Variants in PHF21A observed in about 807,000 individuals in gnomAD.
PHF21A encodes PHD finger protein 21A.
In PHF21A, 11 loss-of-function variants were observed where a neutral mutation model predicts 82.5. The observed-to-expected ratio is 0.13, with a 90% CI of 0.08 to 0.22. The LOEUF (loss-of-function observed/expected upper bound fraction) is 0.22. Ranked by LOEUF, PHF21A falls within the 10% of genes least tolerant of loss-of-function variation. PHF21A has a pLI of 1.00. For missense variants in PHF21A, 579 were observed against 837.8 expected (o/e 0.69, Z 3.81); for synonymous variants, 297 against 302.8 (o/e 0.98, Z 0.20).
chr11:45,933,879 T>G lies in PHF21A; in HGVS notation c.*89A>C, dbSNP rs1381052368. The G allele has an allele frequency of 1.5e-6, 2 of 1,304,796 alleles. No individual in the cohort carries two copies. The highest frequency in any genetic ancestry group is 1.0e-6 in the Non-Finnish European group (1 of 964,268). 80.8% of individuals were successfully genotyped at this position (1,304,796 alleles called of 1,614,324 possible). A position where few individuals can be genotyped will look rare whatever the true frequency, so the allele number is the denominator to read the frequency against. ...AAAGAACCAAAAGAATTCTGCACTT[T>G]CCAGAAATCCGGCTTTGCTTTTCTA... On this transcript the variant is annotated 3_prime_UTR_variant, in exon 19 of 19. Transcript: ENST00000676320.
At chr11:45,943,222 A>C (rs181232204) in intron 15 of PHF21A, among the ~76,000 whole-genome samples, 67 of 148,372 alleles carry the variant, frequency 4.5e-4, no homozygotes, top group African/African-American at 1.6e-3. Context: ...TCCCATGCTC[A>C]AGTGATCCTC....
Position 46,097,620 on chromosome 11 carries a change from T to C in PHF21A, c.-236-5397A>G, listed in dbSNP as rs1466133202. ...TAACAAGAATAATACCTTTTTACCC[T>C]CTCTCTAACTATCCAAATCTCACCC... On this transcript the variant is annotated intron_variant, in intron 1 of 18. Coordinates refer to ENST00000676320, the MANE Select transcript of PHF21A (RefSeq NM_001352027.3). Among the ~76,000 whole-genome samples the C allele has an allele frequency of 9.2e-5, 14 of 152,146 alleles. No homozygotes were observed. The East Asian group carries it at 2.7e-3, about 29-fold the overall frequency.
At chr11:46,081,473 T>C (rs2096790586) in intron 4 of PHF21A, among the ~76,000 whole-genome samples, 1 of 152,180 alleles carries the variant, frequency 6.6e-6, no homozygotes, top group Non-Finnish European at 1.5e-5. Flanking sequence ...CTGAAAAAGG[T>C]TTTCTTCCAG....
At position 45,995,537 on chromosome 11, in the gene PHF21A, T is replaced by C. The variant is rs11826337; in HGVS notation, c.154-15571A>G. On this transcript the variant is annotated intron_variant, in intron 6 of 18. Transcript: ENST00000676320. The stretch of plus-strand genomic sequence containing the variant: ...GAGCACTTGTCACTCTTGGTGCAGG[T>C]AGAGTGAGATAGAGTGGTTGAGCAG... 7.1e-3 allele frequency among the ~76,000 whole-genome samples: 1,074 copies of C among 152,314 alleles called. 11 individuals carry two copies. The highest frequency in any genetic ancestry group is 0.025 in the African/African-American group (1,021 of 41,564).
At position 46,112,975 on chromosome 11, in the gene PHF21A, C is replaced by G. The variant is rs117323370; in HGVS notation, c.-237+7960G>C. ...TAAACTAATCTAAGGTAAACTAAAA[C>G]ACTAGGTTGTTTCTGAAGACTCACT... On this transcript the variant is annotated intron_variant, in intron 1 of 18. Transcript: ENST00000676320. 6.6e-4 allele frequency among the ~76,000 whole-genome samples: 101 copies of G among 152,238 alleles called. 2 individuals carry two copies. In the East Asian group the frequency reaches 0.016, roughly 25 times the overall value.
At chr11:46,113,027 T>C (rs2097238516) in intron 1 of PHF21A, among the ~76,000 whole-genome samples, 2 of 152,212 alleles carry the variant, frequency 1.3e-5, no homozygotes, top group African/African-American at 2.4e-5. Flanking sequence ...ATAATAATCA[T>C]AATATTAGTA....
At chr11:46,099,246 A>G (rs2097053104) in intron 1 of PHF21A, among the ~76,000 whole-genome samples, 1 of 152,176 alleles carries the variant, frequency 6.6e-6, no homozygotes. Flanking sequence ...ACATGCACAC[A>G]AAACAAAACT....
intron 6 of PHF21A, among the ~76,000 whole-genome samples, chr11:46,024,819 A>G (rs2095707524): frequency 1.3e-5 from 2 of 152,200 alleles, no homozygotes; most frequent in Admixed American, 1.3e-4. Context: ...AAAGAAAGAA[A>G]GAAAGACTTA....
At chr11:45,970,026 T>C (rs2093660054) in intron 8 of PHF21A, 122 bp from the exon 9 acceptor site, 2 of 751,650 alleles carry the variant, frequency 2.7e-6, no homozygotes, top group Non-Finnish European at 4.6e-6. Flanking sequence ...TCATCGTAAG[T>C]TAATCATCTG....
intron 18 of PHF21A, chr11:45,934,494 AC>A (rs1224140346): frequency 5.1e-6 from 2 of 395,568 alleles, no homozygotes; most frequent in Non-Finnish European, 9.0e-6. Context: ...AGGAGTACTA[AC>A]GCTTAAAAAC....
chr11:46,098,846 C>T (rs1013376027), intron 1 of PHF21A, among the ~76,000 whole-genome samples: 21 of 152,168 alleles, frequency 1.4e-4, no homozygotes, highest in African/African-American at 4.8e-4. Context: ...AAACCATAAG[C>T]ACCAAGGAGG....
intron 10 of PHF21A, among the ~76,000 whole-genome samples, chr11:45,964,200 A>AATAAT (rs2093293234): frequency 1.6e-4 from 21 of 134,622 alleles, no homozygotes; most frequent in African/African-American, 4.7e-4. Context: ...CTCCATCTCA[A>AATAAT]AATAATAATA....
At position 45,964,130 on chromosome 11, in the gene PHF21A, G is replaced by A. The variant is rs544379349; in HGVS notation, c.996+1185C>T. ...GGAGAATCACTTGAACCTGGGAGGC[G>A]GAGGTTGCAGTGAGCTGAGATCGTG... On this transcript the variant is annotated intron_variant, in intron 10 of 18. Coordinates refer to ENST00000676320, the MANE Select transcript of PHF21A (RefSeq NM_001352027.3). Among the ~76,000 whole-genome samples, 14 of 151,024 alleles carry A rather than the reference G, an allele frequency of 9.3e-5. No individual in the cohort carries two copies. The South Asian group carries it at 2.5e-3, about 27-fold the overall frequency.
At position 46,061,231 on chromosome 11, in the gene PHF21A, G is replaced by A. The variant is rs138405072; in HGVS notation, c.153+15523C>T. ...TGACCCTGTAGTATAGTTTGAAGTC[G>A]GTTAGCATGATGCCTCCACCAGCTT... is the stretch of plus-strand genomic sequence containing the variant. On this transcript the variant is annotated intron_variant, in intron 6 of 18. Coordinates refer to ENST00000676320, the MANE Select transcript of PHF21A (RefSeq NM_001352027.3). 5.0e-4 allele frequency among the ~76,000 whole-genome samples: 76 copies of A among 152,104 alleles called. 1 individual carries two copies. The highest frequency in any genetic ancestry group is 1.5e-3 in the East Asian group (8 of 5,180).
At chr11:45,970,182 C>G (rs923050264) in intron 8 of PHF21A, 2 of 337,994 alleles carry the variant, frequency 5.9e-6, no homozygotes, top group South Asian at 3.5e-5. Context: ...CTTTGACACT[C>G]AAGAACTTTT....
At chr11:46,107,895 C>T (rs1468827626) in intron 1 of PHF21A, among the ~76,000 whole-genome samples, 2 of 151,518 alleles carry the variant, frequency 1.3e-5, no homozygotes, top group African/African-American at 2.4e-5. Flanking sequence ...ATCAGCATAG[C>T]ATTTGGTAGT....
intron 10 of PHF21A, among the ~76,000 whole-genome samples, chr11:45,954,137 CA>C (rs2092427639): frequency 6.6e-6 from 1 of 152,112 alleles, no homozygotes; most frequent in Non-Finnish European, 1.5e-5. Flanking sequence ...CCTGGGATTA[CA>C]GGCACCCGCT....
chr11:46,014,039 G>A (rs894488317), intron 6 of PHF21A, among the ~76,000 whole-genome samples: 1 of 152,076 alleles, frequency 6.6e-6, no homozygotes, highest in Non-Finnish European at 1.5e-5. Flanking sequence ...GATTCAAGGG[G>A]TACATGTGCA....
At chr11:46,114,047 C>T (rs1276464025) in intron 1 of PHF21A, among the ~76,000 whole-genome samples, 2 of 151,786 alleles carry the variant, frequency 1.3e-5, no homozygotes, top group African/African-American at 2.4e-5. Context: ...CAAGTCCTTA[C>T]TCAATATTTA....
Sources: allele counts gnomAD v4.1 joint callset (sites outside exome capture counted in the v4.1 genomes callset), GRCh38; gene constraint gnomAD v4.1.1; transcripts MANE v1.5; gene names NCBI Gene and HGNC (gene_info 2026-07-23, HGNC 2026-07-21).